Variants in TRAPPC9 observed in about 807,000 individuals in gnomAD.
The protein encoded by TRAPPC9 is trafficking protein particle complex subunit 9.
Under a neutral mutation model 124.0 loss-of-function variants are expected in TRAPPC9, and 83 were observed. That is an observed-to-expected ratio of 0.67 (90% CI 0.56 to 0.80). The LOEUF (loss-of-function observed/expected upper bound fraction) is 0.80, where lower values mean the gene tolerates loss of function less well. Ranked by LOEUF, TRAPPC9 falls within the 30% of genes least tolerant of loss-of-function variation. The pLI is 0.00. For synonymous variants in TRAPPC9, 638 were observed against 617.5 expected (o/e 1.03, Z -0.49); for missense variants, 1,302 against 1,508.3 (o/e 0.86, Z 2.27).
At chr8:140,238,270 A>T (rs2063769275) in intron 16 of TRAPPC9, 1 of 152,210 alleles carries the variant, frequency 6.6e-6, no homozygotes, top group Non-Finnish European at 1.5e-5. Context: ...TTCCAACCCA[A>T]ATTTAAATCA....
At chr8:139,762,870 T>A (rs1011167997) in intron 21 of TRAPPC9, among the ~76,000 whole-genome samples, 1 of 152,122 alleles carries the variant, frequency 6.6e-6, no homozygotes, top group Non-Finnish European at 1.5e-5. Context: ...GAAAGGAACA[T>A]GAGGACCAAG....
chr8:139,979,935 C>T (rs935552957), intron 19 of TRAPPC9, among the ~76,000 whole-genome samples: 6 of 152,014 alleles, frequency 3.9e-5, no homozygotes, highest in African/African-American at 1.5e-4. Context: ...CACATTCCCG[C>T]TCTGCCCATG....
At chr8:139,894,959 C>T (rs1231863902) in intron 20 of TRAPPC9, among the ~76,000 whole-genome samples, 2 of 152,184 alleles carry the variant, frequency 1.3e-5, no homozygotes, top group East Asian at 3.9e-4. Context: ...CCATGTTGGG[C>T]ACTACGACAA....
chr8:140,102,153 T>C (rs1204057735), intron 17 of TRAPPC9, among the ~76,000 whole-genome samples: 2 of 152,232 alleles, frequency 1.3e-5, no homozygotes, highest in African/African-American at 2.4e-5. Flanking sequence ...ATGTAACTTA[T>C]GATGCTTTGT....
intron 3 of TRAPPC9, 27 bp downstream of exon 3, chr8:140,439,025 C>G (rs1484947332): frequency 1.7e-5 from 27 of 1,613,634 alleles, no homozygotes; most frequent in Non-Finnish European, 2.2e-5. Context: ...AATTACATAT[C>G]AGATCATCTT....
intron 17 of TRAPPC9, among the ~76,000 whole-genome samples, chr8:140,119,189 G>A (rs879823864): frequency 7.9e-5 from 12 of 152,230 alleles, no homozygotes; most frequent in Non-Finnish European, 1.2e-4. Context: ...GCCAAACCAC[G>A]CCAGGCGTGG....
At chr8:139,933,191 T>C (rs1340007742) in intron 19 of TRAPPC9, 2 of 152,858 alleles carry the variant, frequency 1.3e-5, no homozygotes, top group East Asian at 3.8e-4. Flanking sequence ...CTCTGAATCG[T>C]ACCTGGATTC....
At chr8:140,062,650 C>T (rs941381615) in intron 17 of TRAPPC9, among the ~76,000 whole-genome samples, 1 of 152,158 alleles carries the variant, frequency 6.6e-6, no homozygotes, top group Non-Finnish European at 1.5e-5. Flanking sequence ...CACATTCCTG[C>T]TTTCCTGTCC....
chr8:140,142,109 T>C (rs1423281291), intron 17 of TRAPPC9, among the ~76,000 whole-genome samples: 2 of 152,192 alleles, frequency 1.3e-5, no homozygotes, highest in African/African-American at 4.8e-5. Flanking sequence ...GTTATAAATA[T>C]ACCTATTAGC....
intron 20 of TRAPPC9, among the ~76,000 whole-genome samples, chr8:139,898,776 C>T (rs929289568): frequency 1.3e-5 from 2 of 152,110 alleles, no homozygotes; most frequent in African/African-American, 4.8e-5. Context: ...ATCTCAATCC[C>T]TTCCGTGAAT....
chr8:140,245,622 T>C (rs2063966427), intron 16 of TRAPPC9, among the ~76,000 whole-genome samples: 1 of 152,322 alleles, frequency 6.6e-6, no homozygotes, highest in East Asian at 1.9e-4. Context: ...TCATGCCTTT[T>C]TCCCCCTGAT....
chr8:140,090,971 C>T (rs774405074), intron 17 of TRAPPC9, among the ~76,000 whole-genome samples: 24 of 152,198 alleles, frequency 1.6e-4, no homozygotes, highest in Non-Finnish European at 2.6e-4. Flanking sequence ...CCCAGTGCTA[C>T]AAAAATTAAA....
At chr8:140,185,998 C>T (rs2062347501) in intron 17 of TRAPPC9, among the ~76,000 whole-genome samples, 1 of 152,152 alleles carries the variant, frequency 6.6e-6, no homozygotes, top group Admixed American at 6.5e-5. Context: ...GAGGACCCTT[C>T]CATGCCTCAG....
At chr8:140,126,451 GGAATTCGAACACCCCGTCACGA>G (rs1262715037) in intron 17 of TRAPPC9, among the ~76,000 whole-genome samples, 6 of 152,108 alleles carry the variant, frequency 3.9e-5, no homozygotes, top group African/African-American at 1.4e-4. Context: ...TCGGTGGAAG[GGAATTCGAACACCCCGTCACGA>G]GAAGTTCATC....
At chr8:140,265,416 A>G (rs992910298) in intron 15 of TRAPPC9, among the ~76,000 whole-genome samples, 1 of 152,228 alleles carries the variant, frequency 6.6e-6, no homozygotes, top group African/African-American at 2.4e-5. Context: ...ATTTATAGCT[A>G]AGAAATAAGA....
chr8:140,294,851 T>TC (rs968296940), intron 11 of TRAPPC9, among the ~76,000 whole-genome samples: 2 of 151,778 alleles, frequency 1.3e-5, no homozygotes, highest in South Asian at 4.2e-4. Flanking sequence ...CCTCAACTAA[T>TC]CCCCCCCACC....
intron 10 of TRAPPC9, among the ~76,000 whole-genome samples, chr8:140,306,955 T>A (rs1048336836): frequency 6.6e-6 from 1 of 152,194 alleles, no homozygotes; most frequent in Non-Finnish European, 1.5e-5. Flanking sequence ...CCTTGTCTGT[T>A]GCCTCCCAAC....
chr8:139,981,193 T>C (rs1836867607), intron 19 of TRAPPC9, among the ~76,000 whole-genome samples: 1 of 152,156 alleles, frequency 6.6e-6, no homozygotes, highest in Non-Finnish European at 1.5e-5. Context: ...CTGTAAAAAC[T>C]GCTCATTAGT....
chr8:139,988,271 C>A (rs1294013724), intron 19 of TRAPPC9, among the ~76,000 whole-genome samples: 2 of 152,086 alleles, frequency 1.3e-5, no homozygotes, highest in East Asian at 3.9e-4. Context: ...CACCACCATG[C>A]CCGGGTAGTT....
Sources: allele counts gnomAD v4.1 joint callset (sites outside exome capture counted in the v4.1 genomes callset), GRCh38; gene constraint gnomAD v4.1.1; transcripts MANE v1.5; gene names NCBI Gene and HGNC (gene_info 2026-07-23, HGNC 2026-07-21).